The following CCDC178 variants were observed in gnomAD, a reference collection of about 807,000 sequenced individuals.
The protein encoded by CCDC178 is coiled-coil domain-containing protein 178.
Under a neutral mutation model 117.4 loss-of-function variants are expected in CCDC178, and 126 were observed. That is an observed-to-expected ratio of 1.07 (90% CI 0.93 to 1.24). The LOEUF is 1.24. Ranked by LOEUF, CCDC178 falls within the 50% of genes most tolerant of loss-of-function variation. The pLI, the probability that CCDC178 is intolerant of heterozygous loss-of-function variation, is 0.00. For synonymous variants in CCDC178, 283 were observed against 313.4 expected (o/e 0.90, Z 1.02); for missense variants, 1,030 against 986.9 (o/e 1.04, Z -0.59).
intron 21 of CCDC178, among the ~76,000 whole-genome samples, chr18:32,991,748 TTC>T (rs1452205691): frequency 2.0e-5 from 3 of 152,186 alleles, no homozygotes; most frequent in Non-Finnish European, 4.4e-5. Context: ...CAACAAAACT[TTC>T]TCTGTTTCAC....
intron 22 of CCDC178, among the ~76,000 whole-genome samples, chr18:32,970,610 G>T (rs1203304383): frequency 6.6e-6 from 1 of 151,992 alleles, no homozygotes; most frequent in Non-Finnish European, 1.5e-5. Flanking sequence ...GATACCTGCA[G>T]ATTCACTCCA....
chr18:33,270,259 C>A (rs2059871386), intron 12 of CCDC178, among the ~76,000 whole-genome samples: 1 of 150,858 alleles, frequency 6.6e-6, no homozygotes. Flanking sequence ...GAAGTATATA[C>A]CAATATACAT....
intron 9 of CCDC178, among the ~76,000 whole-genome samples, chr18:33,340,212 G>A (rs1202760475): frequency 1.3e-5 from 2 of 152,122 alleles, no homozygotes; most frequent in African/African-American, 2.4e-5. Context: ...AAAGAGACTG[G>A]TGGCATTTTG....
At chr18:33,304,636 T>A (rs892106880) in intron 11 of CCDC178, among the ~76,000 whole-genome samples, 3 of 152,198 alleles carry the variant, frequency 2.0e-5, no homozygotes, top group African/African-American at 7.2e-5. Context: ...TAACTCTGCT[T>A]ATCTTTAAGA....
intron 21 of CCDC178, among the ~76,000 whole-genome samples, chr18:33,001,830 T>C (rs2055640253): frequency 6.6e-6 from 1 of 151,948 alleles, no homozygotes; most frequent in South Asian, 2.1e-4. Flanking sequence ...ACTAAAGGGA[T>C]GGAAAAAGAT....
At chr18:33,118,718 A>C (rs2057892903) in intron 20 of CCDC178, among the ~76,000 whole-genome samples, 1 of 152,210 alleles carries the variant, frequency 6.6e-6, no homozygotes, top group African/African-American at 2.4e-5. Flanking sequence ...GAACCAAAAA[A>C]GAGCCCGCAT....
chr18:33,341,774 G>A (rs960158476), intron 9 of CCDC178, among the ~76,000 whole-genome samples: 2 of 152,090 alleles, frequency 1.3e-5, no homozygotes, highest in African/African-American at 4.8e-5. Flanking sequence ...GAACTGTGAA[G>A]CCCAATTAAA....
intron 20 of CCDC178, among the ~76,000 whole-genome samples, chr18:33,155,897 A>G (rs2058388214): frequency 6.6e-6 from 1 of 152,012 alleles, no homozygotes; most frequent in Admixed American, 6.6e-5. Context: ...TTGGTGATTC[A>G]TACTTAATTG....
intron 11 of CCDC178, among the ~76,000 whole-genome samples, chr18:33,304,159 T>C (rs1230553598): frequency 6.6e-6 from 1 of 152,228 alleles, no homozygotes; most frequent in Non-Finnish European, 1.5e-5. Flanking sequence ...ACTTAGTTGC[T>C]AAATTCATTA....
In CCDC178 at chr18:32,942,073, A is replaced by G. The variant is rs114359420; in HGVS notation, c.2524-3982T>C. On this transcript the variant is annotated intron_variant, in intron 22 of 22. Coordinates refer to ENST00000383096, the MANE Select transcript of CCDC178 (RefSeq NM_001105528.4). ...TCACATAAAGAGAAAATGGGAGGAT[A>G]TATAGGATCCACTCAGTAGTTATGG... Among the ~76,000 whole-genome samples the G allele has an allele frequency of 4.0e-3, 609 of 152,248 alleles. 5 individuals are homozygous for G. Among genetic ancestry groups the G allele is most frequent in the African/African-American group, 0.014 (577 of 41,550 alleles).
In CCDC178 at chr18:33,333,357, T is replaced by C. The variant is rs746584947; in HGVS notation, c.696A>G (p.Gln232=). Reference sequence around the variant, plus strand: ...GATTAGCTTTATCTTCAAGATGCCATTGTAATTCTATAACATCACTCAAAT... The same window carrying C: ...GATTAGCTTTATCTTCAAGATGCCACTGTAATTCTATAACATCACTCAAAT... The part of the protein sequence containing the change: ...EAYLSDVIEL[Q]WHLEDKANQL... The change falls in exon 10 of 23, where the codon CAA becomes CAG. Residue 232 remains glutamine, a synonymous_variant. Transcript: ENST00000383096. 230 of 1,610,822 alleles carry C rather than the reference T, an allele frequency of 1.4e-4. 1 individual carries two copies. The Admixed American group carries it at 3.5e-3, about 24-fold the overall frequency.
chr18:33,152,124 G>A (rs1057135520), intron 20 of CCDC178, among the ~76,000 whole-genome samples: 12 of 151,980 alleles, frequency 7.9e-5, no homozygotes, highest in Non-Finnish European at 1.5e-4. Context: ...AGGAGAAGGA[G>A]GAAAGGAGTG....
chr18:33,353,994 T>C (rs2063016053), intron 7 of CCDC178, among the ~76,000 whole-genome samples: 1 of 152,180 alleles, frequency 6.6e-6, no homozygotes, highest in Admixed American at 6.5e-5. Flanking sequence ...TACACCCCTT[T>C]GGTTTATCTG....
intron 14 of CCDC178, among the ~76,000 whole-genome samples, chr18:33,258,811 C>T (rs28718646): frequency 0.067 from 10,249 of 152,080 alleles, 513 homozygotes; most frequent in African/African-American, 0.14. Context: ...TGTTTGAAAA[C>T]ATTTTAAATG....
intron 20 of CCDC178, among the ~76,000 whole-genome samples, chr18:33,111,411 A>G (rs1174017594): frequency 6.6e-6 from 1 of 151,642 alleles, no homozygotes; most frequent in East Asian, 1.9e-4. Flanking sequence ...AATATCATAA[A>G]TTGGTTTTAA....
chr18:33,021,419 C>T (rs1412610826), intron 21 of CCDC178, among the ~76,000 whole-genome samples: 2 of 152,064 alleles, frequency 1.3e-5, no homozygotes, highest in Non-Finnish European at 2.9e-5. Flanking sequence ...AATAACAGGC[C>T]AGGCATGGTG....
At chr18:33,280,078 C>A (rs2060002306) in intron 12 of CCDC178, among the ~76,000 whole-genome samples, 2 of 149,198 alleles carry the variant, frequency 1.3e-5, no homozygotes, top group Admixed American at 1.3e-4. Flanking sequence ...AAAGCAATGG[C>A]AACAGAAGCC....
chr18:33,275,376 C>A (rs1173118927), intron 12 of CCDC178, among the ~76,000 whole-genome samples: 3 of 151,816 alleles, frequency 2.0e-5, no homozygotes, highest in Admixed American at 2.0e-4. Flanking sequence ...ATAGAAAGAA[C>A]CAATTCATAA....
chr18:33,117,841 G>A (rs1023622834), intron 20 of CCDC178, among the ~76,000 whole-genome samples: 5 of 152,022 alleles, frequency 3.3e-5, no homozygotes, highest in African/African-American at 1.2e-4. Flanking sequence ...CTTGAAGAGT[G>A]ATGTCTATTC....
Sources: allele counts gnomAD v4.1 joint callset (sites outside exome capture counted in the v4.1 genomes callset), GRCh38; gene constraint gnomAD v4.1.1; transcripts MANE v1.5; gene names NCBI Gene and HGNC (gene_info 2026-07-23, HGNC 2026-07-21).